CARS1: variants seen among roughly 807,000 people sequenced by gnomAD.
CARS1 encodes the protein cysteine--tRNA ligase, cytoplasmic.
In CARS1, 48 loss-of-function variants were observed where a neutral mutation model predicts 106.2. The ratio of observed to expected loss-of-function variants is 0.45; its 90% CI spans 0.36 to 0.57. The LOEUF is 0.57. Ranked by LOEUF, CARS1 falls within the 20% of genes least tolerant of loss-of-function variation. CARS1 has a pLI of 0.00. For synonymous variants in CARS1, 409 were observed against 403.4 expected (o/e 1.01, Z -0.17); for missense variants, 968 against 1,057.2 (o/e 0.92, Z 1.17).
rs1157784052 is a variant in CARS1, at chr11:3,029,790, GCA to G, written c.802-349_802-348del. ...GGTTATGGGCAGAGGCTGGGCAGGAGCACACAGTGTGTCACCTACAGCACAAC... is the reference window on the plus strand; with the variant it reads ...GGTTATGGGCAGAGGCTGGGCAGGAGCACAGTGTGTCACCTACAGCACAAC... On this transcript the variant is annotated intron_variant, in intron 7 of 22. Coordinates refer to ENST00000380525, the MANE Select transcript of CARS1 (RefSeq NM_001014437.3). This position sits in a 1 kb window ranked among gnomAD's most constrained non-coding sequence, Gnocchi z 5.9. 3.4e-6 allele frequency: 1 copy of G among 293,244 alleles called. No homozygotes were observed. Among genetic ancestry groups the G allele is most frequent in the Non-Finnish European group, 6.4e-6 (1 of 156,384 alleles). 18.2% of individuals were successfully genotyped at this position (293,244 alleles called of 1,614,324 possible).
At position 3,021,402 on chromosome 11, in the gene CARS1, G is replaced by A. The variant is rs1354374839; in HGVS notation, c.1154-1070C>T. ...GTGCTGTCACCCCCTTGTGGAGGAA[G>A]AACAGACTCCATCTAGGGTTCTAAC... On this transcript the variant is annotated intron_variant, in intron 10 of 22. Transcript: ENST00000380525. The surrounding 1 kb of genome is among the most constrained non-coding windows in gnomAD (Gnocchi z 5.3). Among the ~76,000 whole-genome samples the A allele has an allele frequency of 6.6e-6, 1 of 152,168 alleles. No individual in the cohort carries two copies. The highest frequency in any genetic ancestry group is 6.5e-5 in the Admixed American group (1 of 15,278).
At chr11:3,032,060 C>T (rs193180951) in intron 7 of CARS1, among the ~76,000 whole-genome samples, 409 of 19,886 alleles carry the variant, frequency 0.021, 5 homozygotes, top group Middle Eastern at 0.048. Context: ...CCCTCCCTCC[C>T]TCCTTCCTTC....
In CARS1 at chr11:3,003,820, C is replaced by T. The variant is rs1305111079; in HGVS notation, c.2218-1220G>A. On this transcript the variant is annotated intron_variant, in intron 20 of 22. Transcript: ENST00000380525. The surrounding 1 kb of genome is among the most constrained non-coding windows in gnomAD (Gnocchi z 4.8). ...GAATGGTACAGGGAGAGGCAGGACC[C>T]CTCCCCCATGGTGCCTCGGGCCTGG... Among the ~76,000 whole-genome samples, 2 of 152,140 alleles carry T rather than the reference C, an allele frequency of 1.3e-5. No homozygotes were observed. Among genetic ancestry groups the T allele is most frequent in the Non-Finnish European group, 2.9e-5 (2 of 68,016 alleles).
rs1849619509 is a variant in CARS1, at chr11:3,003,885, T to C, written c.2218-1285A>G. 6.6e-6 allele frequency among the ~76,000 whole-genome samples: 1 copy of C among 152,116 alleles called. No homozygotes were observed. Among genetic ancestry groups the C allele is most frequent in the Non-Finnish European group, 1.5e-5 (1 of 68,016 alleles). On this transcript the variant is annotated intron_variant, in intron 20 of 22. Transcript: ENST00000380525. The surrounding 1 kb of genome is among the most constrained non-coding windows in gnomAD (Gnocchi z 4.8). ...AGCAGCTTGGTGAGGTAAGAGTCCCTTGGTTGGGAAACAGGAGCTACTAGA... is the reference window on the plus strand; with the variant it reads ...AGCAGCTTGGTGAGGTAAGAGTCCCCTGGTTGGGAAACAGGAGCTACTAGA...
intron 22 of CARS1, 143 bp downstream of exon 22, chr11:3,001,827 G>C: frequency 1.3e-6 from 1 of 742,498 alleles, no homozygotes; most frequent in Non-Finnish European, 2.4e-6. Flanking sequence ...AGGAGGCCCT[G>C]GACCTAAAGC....
In CARS1 at chr11:3,020,214, G is replaced by T; in HGVS notation, c.1266+6C>A. 6.4e-7 allele frequency: 1 copy of T among 1,556,302 alleles called. No homozygotes were observed. Reference sequence around the variant, plus strand: ...AAGCCCCACACCTTCTAGGCCACTCGCTCACCTTTCCCCAAGGGCACGGCC... The same window carrying T: ...AAGCCCCACACCTTCTAGGCCACTCTCTCACCTTTCCCCAAGGGCACGGCC... On this transcript the variant is annotated splice_donor_region_variant and intron_variant, in intron 11 of 22. Coordinates refer to ENST00000380525, the MANE Select transcript of CARS1 (RefSeq NM_001014437.3). The surrounding 1 kb of genome is among the most constrained non-coding windows in gnomAD (Gnocchi z 4.6).
chr11:3,047,599 G>C (rs181954024), intron 2 of CARS1, among the ~76,000 whole-genome samples, 154 bp downstream of exon 2: 10 of 152,356 alleles, frequency 6.6e-5, no homozygotes, highest in Non-Finnish European at 1.2e-4. Context: ...AGCAAGCGCT[G>C]CATCTGCCCA....
rs56353714 is a variant in CARS1 at position 3,053,333 on chromosome 11, C to A, written c.25+4010G>T. 6.6e-6 allele frequency among the ~76,000 whole-genome samples: 1 copy of A among 151,966 alleles called. No individual in the cohort carries two copies. The highest frequency in any genetic ancestry group is 1.5e-5 in the Non-Finnish European group (1 of 67,984). On this transcript the variant is annotated intron_variant, in intron 1 of 22. Coordinates refer to ENST00000380525, the MANE Select transcript of CARS1 (RefSeq NM_001014437.3). The surrounding 1 kb of genome is among the most constrained non-coding windows in gnomAD (Gnocchi z 6.6). ...GCAAACTCTGCCTCCCGGGTTCAAG[C>A]GATTCTCCTGCCTCAGCCTCCCGAG...
Position 3,038,040 on chromosome 11 carries a change from G to A in CARS1, c.801+10C>T, listed in dbSNP as rs1339399089. The A allele has an allele frequency of 6.2e-7, 1 of 1,608,996 alleles. No homozygotes were observed. Among genetic ancestry groups the A allele is most frequent in the East Asian group, 2.2e-5 (1 of 44,716 alleles). On this transcript the variant is annotated intron_variant, in intron 7 of 22. Transcript: ENST00000380525. The surrounding 1 kb of genome is among the most constrained non-coding windows in gnomAD (Gnocchi z 4.0). ...CGAACGGGCTGTCTGGGAGATGTGT[G>A]AAGCCTCACCTCCACACAGCTGTTG...
chr11:3,029,478 C>A lies in CARS1; in HGVS notation c.802-35G>T. ...AAGAAACAAAAATCCAGCAGCGGGCCACACACTTCACATGAGAACATCTCG... is the reference window on the plus strand; with the variant it reads ...AAGAAACAAAAATCCAGCAGCGGGCAACACACTTCACATGAGAACATCTCG... On this transcript the variant is annotated intron_variant, in intron 7 of 22. Coordinates refer to ENST00000380525, the MANE Select transcript of CARS1 (RefSeq NM_001014437.3). The surrounding 1 kb of genome is among the most constrained non-coding windows in gnomAD (Gnocchi z 5.9). 2 of 1,607,622 alleles carry A rather than the reference C, an allele frequency of 1.2e-6. No homozygotes were observed. The highest frequency in any genetic ancestry group is 1.7e-6 in the Non-Finnish European group (2 of 1,178,268).
At chr11:3,054,916 G>A (rs775330950) in intron 1 of CARS1, 7 of 702,492 alleles carry the variant, frequency 1.0e-5, no homozygotes, top group Admixed American at 2.0e-5. Flanking sequence ...AAGTCTGTGC[G>A]GAAAGGCCCT....
Position 3,022,979 on chromosome 11 carries a change from G to A in CARS1, c.1154-2647C>T, listed in dbSNP as rs182693337. Among the ~76,000 whole-genome samples the A allele has an allele frequency of 4.6e-5, 7 of 152,326 alleles. No homozygotes were observed. Among genetic ancestry groups the A allele is most frequent in the Non-Finnish European group, 1.0e-4 (7 of 68,024 alleles). The stretch of plus-strand genomic sequence containing the variant: ...GGTCATGTGCCCACGTCTGATCACT[G>A]ACTGTGGAGGGGTGGAAATCCATGT... On this transcript the variant is annotated intron_variant, in intron 10 of 22. Coordinates refer to ENST00000380525, the MANE Select transcript of CARS1 (RefSeq NM_001014437.3). This position sits in a 1 kb window ranked among gnomAD's most constrained non-coding sequence, Gnocchi z 4.9.
chr11:3,001,975 C>A lies in CARS1; in HGVS notation c.2356G>T (p.Glu786Ter). ...SETDKYSKFD[E>*]NGLPTHDMEG... The stretch of plus-strand genomic sequence containing the variant: ...AAGGATGCTTACATGCTTACATTTT[C>A]ATCAAACTTGGAGTATTTGTCGGTT... Residue 786 changes from glutamate to a stop codon, truncating the protein, a stop_gained, in exon 22 of 23, where the codon GAA becomes TAA. Coordinates refer to ENST00000380525, the MANE Select transcript of CARS1 (RefSeq NM_001014437.3). LOFTEE classifies it high-confidence loss of function. 6.2e-7 allele frequency: 1 copy of A among 1,610,222 alleles called. No homozygotes were observed.
rs762632261 is a variant in CARS1 at position 3,047,966 on chromosome 11, C to T, written c.61G>A (p.Glu21Lys). The change falls in exon 2 of 23, where the codon GAG becomes AAG. Residue 21 changes from glutamate to lysine, a missense_variant. Glu to Lys is a moderately conservative substitution (Grantham distance 56, BLOSUM62 1). Coordinates refer to ENST00000380525, the MANE Select transcript of CARS1 (RefSeq NM_001014437.3). ...DYRSILSISD[E>K]AARAQALNEH... ...TTCAGGGCTTGTGCCCTGGCTGCCT[C>T]GTCACTAATGCTCAGAATGGACCTG... 5.0e-6 allele frequency: 8 copies of T among 1,613,974 alleles called. No homozygotes were observed. The African/African-American group carries it at 5.3e-5, about 11-fold the overall frequency.
rs911013332 is a variant in CARS1 at position 3,046,733 on chromosome 11, C to T, written c.274+1020G>A. ...CCACCAGAAAACAGCACTAAACCTG[C>T]CCCCACATGAAGGTGGAGGAGTGCC... On this transcript the variant is annotated intron_variant, in intron 2 of 22. Coordinates refer to ENST00000380525, the MANE Select transcript of CARS1 (RefSeq NM_001014437.3). This position sits in a 1 kb window ranked among gnomAD's most constrained non-coding sequence, Gnocchi z 5.8. Among the ~76,000 whole-genome samples the T allele has an allele frequency of 5.3e-5, 8 of 152,112 alleles. No homozygotes were observed. Among genetic ancestry groups the T allele is most frequent in the African/African-American group, 9.7e-5 (4 of 41,404 alleles).
In CARS1 at chr11:3,015,826, G is replaced by A; in HGVS notation, c.1941C>T (p.Asp647=). The part of the protein sequence containing the change: ...MLKIFGAVEE[D]SSLGFPVGGP... Reference sequence around the variant, plus strand: ...CTCCGACCGGGAATCCCAGGGAGCTGTCCTCTTCTACGGCCCCAAAGATCT... The same window carrying A: ...CTCCGACCGGGAATCCCAGGGAGCTATCCTCTTCTACGGCCCCAAAGATCT... The change falls in exon 17 of 23, where the codon GAC becomes GAT. Residue 647 remains aspartate (D), a synonymous_variant. Transcript: ENST00000380525. 1 of 1,614,168 alleles carries A rather than the reference G, an allele frequency of 6.2e-7. No homozygotes were observed. The highest frequency in any genetic ancestry group is 8.5e-7 in the Non-Finnish European group (1 of 1,180,032).
chr11:3,015,542 C>T (rs1260669830), intron 17 of CARS1, among the ~76,000 whole-genome samples: 6 of 152,238 alleles, frequency 3.9e-5, no homozygotes, highest in Non-Finnish European at 5.9e-5. Context: ...GCTCATGGGA[C>T]AGCACAATGG....
intron 1 of CARS1, among the ~76,000 whole-genome samples, chr11:3,055,705 T>C (rs776089785): frequency 6.6e-6 from 1 of 152,200 alleles, no homozygotes; most frequent in Non-Finnish European, 1.5e-5. Context: ...AAAAACAAGA[T>C]ACAAAACACT....
In CARS1 at chr11:3,038,232, A is replaced by C. The variant is rs753552572; in HGVS notation, c.652-33T>G. 4 of 1,596,810 alleles carry C rather than the reference A, an allele frequency of 2.5e-6. No individual in the cohort carries two copies. ...CATAAAGAGACGTCAAATCTATTAG[A>C]TACTGCTCAGCAAAACCTAAATTCA... On this transcript the variant is annotated intron_variant, in intron 6 of 22. Coordinates refer to ENST00000380525, the MANE Select transcript of CARS1 (RefSeq NM_001014437.3). This position sits in a 1 kb window ranked among gnomAD's most constrained non-coding sequence, Gnocchi z 4.0.
Sources: gnomAD v4.1 joint callset for allele counts (sites outside exome capture counted in the v4.1 genomes callset) on GRCh38, gnomAD v4.1.1 for gene constraint, Gnocchi (gnomAD v3.1) non-coding constraint, MANE v1.5 for transcripts, NCBI Gene and HGNC (gene_info 2026-07-23, HGNC 2026-07-21) for gene names.